Variants in KHDRBS2 observed in about 807,000 individuals in gnomAD.
KHDRBS2 encodes the protein KH domain-containing, RNA-binding, signal transduction-associated protein 2.
In KHDRBS2, 26 loss-of-function variants were observed where a neutral mutation model predicts 44.3. That is an observed-to-expected ratio of 0.59 (90% CI 0.43 to 0.81). KHDRBS2 has a LOEUF of 0.81. KHDRBS2 is among the 40% of genes least tolerant of loss of function. The probability of loss-of-function intolerance (pLI) is 0.00; values close to 1 mark genes in which losing one functional copy is unlikely to be tolerated. For missense variants in KHDRBS2, 476 were observed against 433.1 expected (o/e 1.10, Z -0.88); for synonymous variants, 194 against 151.1 (o/e 1.28, Z -2.08).
At chr6:61,852,562 CA>C (rs773776834) in intron 6 of KHDRBS2, among the ~76,000 whole-genome samples, 2,235 of 70,168 alleles carry the variant, frequency 0.032, 9 homozygotes, top group Middle Eastern at 0.088. Flanking sequence ...GACTCCGTCT[CA>C]AAAAAAAAAA....
chr6:61,575,469 C>T, the KHDRBS2 span, among the ~76,000 whole-genome samples: 11 of 152,092 alleles, frequency 7.2e-5, no homozygotes, highest in African/African-American at 2.4e-4. Context: ...GATGTTGGCA[C>T]GTAAATGGTA....
At position 61,790,841 on chromosome 6, in the gene KHDRBS2, G is replaced by A. The variant is rs1029971557; in HGVS notation, c.811-58077C>T. Among the ~76,000 whole-genome samples, 36 of 151,336 alleles carry A rather than the reference G, an allele frequency of 2.4e-4. 1 individual carries two copies. Among genetic ancestry groups the A allele is most frequent in the Non-Finnish European group, 1.5e-4 (10 of 67,474 alleles). On this transcript the variant is annotated intron_variant, in intron 6 of 8. Transcript: ENST00000281156. ...TCTGGAATAGTTTGTGTAAACATTG[G>A]CATTTATTATTTGAATGTATAACAT...
chr6:61,724,174 A>G (rs182174424), intron 7 of KHDRBS2, among the ~76,000 whole-genome samples: 2 of 152,320 alleles, frequency 1.3e-5, no homozygotes, highest in Admixed American at 1.3e-4. Context: ...ATATTGTTAA[A>G]GAAAAGAACT....
In KHDRBS2 at chr6:61,751,687, G is replaced by A. The variant is rs1777713811; in HGVS notation, c.811-18923C>T. Among the ~76,000 whole-genome samples, 3 of 152,154 alleles carry A rather than the reference G, an allele frequency of 2.0e-5. No individual in the cohort carries two copies. In the South Asian group the frequency reaches 6.2e-4, roughly 32 times the overall value. On this transcript the variant is annotated intron_variant, in intron 6 of 8. Transcript: ENST00000281156. ...ACCAAATTGGCACAGTCTGATTGAA[G>A]GAATGGCCTGTTAGTAGAAAGAAGC...
chr6:62,176,065 T>A lies in KHDRBS2; in HGVS notation c.219+1120A>T, dbSNP rs1303229298. ...TTCAAGACTGTAACTGGTTAATTGA[T>A]CAAGTGAAAAAGGACACATTATTCT... On this transcript the variant is annotated intron_variant, in intron 2 of 8. Transcript: ENST00000281156. 3.3e-5 allele frequency among the ~76,000 whole-genome samples: 5 copies of A among 151,432 alleles called. No individual in the cohort carries two copies. The East Asian group carries it at 9.6e-4, about 29-fold the overall frequency.
At chr6:61,559,921 A>G in the KHDRBS2 span, among the ~76,000 whole-genome samples, 3 of 152,118 alleles carry the variant, frequency 2.0e-5, no homozygotes, top group African/African-American at 7.2e-5. Flanking sequence ...GTATTTTCAG[A>G]TGATTTCTTA....
intron 1 of KHDRBS2, among the ~76,000 whole-genome samples, chr6:62,191,245 C>A (rs1436921448): frequency 2.0e-5 from 3 of 152,088 alleles, no homozygotes; most frequent in Non-Finnish European, 4.4e-5. Flanking sequence ...TATTGCTCAC[C>A]ACTTTCTAGT....
intron 3 of KHDRBS2, among the ~76,000 whole-genome samples, chr6:62,032,321 G>A (rs1343426018): frequency 1.3e-5 from 2 of 151,948 alleles, no homozygotes; most frequent in Non-Finnish European, 2.9e-5. Flanking sequence ...ACTATAAGCA[G>A]GCAGAAAAAT....
chr6:62,216,703 T>TG (rs540180490), intron 1 of KHDRBS2, among the ~76,000 whole-genome samples: 2 of 150,464 alleles, frequency 1.3e-5, no homozygotes, highest in Non-Finnish European at 3.0e-5. Context: ...CCTCTTTTTT[T>TG]TTTTTTTGTT....
chr6:62,014,112 A>T (rs1780778922), intron 3 of KHDRBS2, among the ~76,000 whole-genome samples: 1 of 152,158 alleles, frequency 6.6e-6, no homozygotes, highest in African/African-American at 2.4e-5. Flanking sequence ...ATGAGATTAA[A>T]TGTGTGGTGT....
chr6:61,630,890 A>G, the KHDRBS2 span, among the ~76,000 whole-genome samples: 2 of 152,072 alleles, frequency 1.3e-5, no homozygotes, highest in African/African-American at 4.8e-5. Flanking sequence ...TGCATACGCT[A>G]TTTGTCTCTT....
chr6:61,999,270 C>T (rs1562612491), intron 3 of KHDRBS2, among the ~76,000 whole-genome samples: 1 of 152,000 alleles, frequency 6.6e-6, no homozygotes, highest in African/African-American at 2.4e-5. Context: ...CAGAGAAATG[C>T]TAACTTTTCT....
chr6:61,591,491 T>G, the KHDRBS2 span, among the ~76,000 whole-genome samples: 1 of 152,144 alleles, frequency 6.6e-6, no homozygotes, highest in Non-Finnish European at 1.5e-5. Flanking sequence ...TGATATTTCC[T>G]GTTGGAGAAA....
chr6:62,097,322 G>A (rs1800829268), intron 2 of KHDRBS2, among the ~76,000 whole-genome samples: 1 of 151,796 alleles, frequency 6.6e-6, no homozygotes, highest in Admixed American at 6.6e-5. Context: ...TGCTGAAAGT[G>A]GGGTATTAAA....
chr6:62,082,454 A>T (rs1797587836), intron 2 of KHDRBS2, among the ~76,000 whole-genome samples: 2 of 152,168 alleles, frequency 1.3e-5, no homozygotes, highest in South Asian at 4.1e-4. Flanking sequence ...AAAATGATGG[A>T]TAAATCTTAA....
chr6:61,951,125 A>G (rs973255142), intron 4 of KHDRBS2, among the ~76,000 whole-genome samples: 2 of 152,052 alleles, frequency 1.3e-5, no homozygotes, highest in African/African-American at 4.8e-5. Flanking sequence ...CAATATTTCA[A>G]AAATGGGTAA....
intron 2 of KHDRBS2, among the ~76,000 whole-genome samples, chr6:62,077,712 G>A (rs1271033668): frequency 6.6e-6 from 1 of 152,006 alleles, no homozygotes. Flanking sequence ...ATGAGGGCTT[G>A]ATTATACCTT....
intron 3 of KHDRBS2, among the ~76,000 whole-genome samples, chr6:62,011,770 T>A (rs1327531380): frequency 6.6e-6 from 1 of 152,190 alleles, no homozygotes; most frequent in East Asian, 1.9e-4. Flanking sequence ...TCTTGACACA[T>A]ACTAAGTGCT....
intron 2 of KHDRBS2, among the ~76,000 whole-genome samples, chr6:62,169,391 TC>T (rs898011241): frequency 2.6e-5 from 4 of 151,706 alleles, no homozygotes; most frequent in African/African-American, 7.3e-5. Context: ...GGCTTAACTA[TC>T]AAGAAATAAT....
Sources: gnomAD v4.1 joint callset for allele counts (sites outside exome capture counted in the v4.1 genomes callset) on GRCh38, gnomAD v4.1.1 for gene constraint, MANE v1.5 for transcripts, NCBI Gene and HGNC (gene_info 2026-07-23, HGNC 2026-07-21) for gene names.